STEAP4: variants seen among roughly 807,000 people sequenced by gnomAD.
STEAP4 encodes the protein metalloreductase STEAP4.
STEAP4 carries 36 observed loss-of-function variants against 43.6 expected under a neutral mutation model. That is an observed-to-expected ratio of 0.83 (90% confidence interval 0.63 to 1.09). STEAP4 has a LOEUF of 1.09. Ranked by LOEUF, STEAP4 falls within the 50% of genes least tolerant of loss-of-function variation. STEAP4 has a pLI of 0.00. For missense variants in STEAP4, 495 were observed against 546.5 expected, an observed-to-expected ratio of 0.91 and a Z score of 0.94; for synonymous variants, 191 against 196.7, an observed-to-expected ratio of 0.97 and a Z score of 0.24.
chr7:88,287,029 G>T (rs1852748867), intron 1 of STEAP4, among the ~76,000 whole-genome samples: 1 of 152,066 alleles, frequency 6.6e-6, no homozygotes, highest in Non-Finnish European at 1.5e-5. Flanking sequence ...AGACACCCTG[G>T]GAGGTTACTA....
In STEAP4 at chr7:88,282,134, AT is replaced by A. The variant is rs554428428; in HGVS notation, c.984+506del. The stretch of plus-strand genomic sequence containing the variant: ...GACCCAAGCGAACCTGGAAAGTATC[AT>A]TTTTTTTCTTTCTTTTTTTTTTTTT... On this transcript the variant is annotated intron_variant, in intron 3 of 4. Coordinates refer to ENST00000380079, the MANE Select transcript of STEAP4 (RefSeq NM_024636.4). 5.1e-4 allele frequency: 76 copies of A among 149,938 alleles called. No homozygotes were observed. The South Asian group carries it at 0.014, about 27-fold the overall frequency. 9.3% of individuals were successfully genotyped at this position (149,938 alleles called of 1,614,324 possible).
At chr7:88,303,332 C>T (rs1853072288) in intron 1 of STEAP4, among the ~76,000 whole-genome samples, 1 of 151,642 alleles carries the variant, frequency 6.6e-6, no homozygotes, top group Admixed American at 6.6e-5. Context: ...CCCTTCTCTA[C>T]TAAACATAAA....
chr7:88,304,025 G>A (rs193256038), intron 1 of STEAP4: 3 of 152,278 alleles, frequency 2.0e-5, no homozygotes, highest in Admixed American at 2.0e-4. Context: ...CTCTTTTCAT[G>A]TCCTTTGTAG....
At chr7:88,300,042 C>G (rs10271265) in intron 1 of STEAP4, among the ~76,000 whole-genome samples, 1,543 of 152,262 alleles carry the variant, frequency 0.01, 26 homozygotes, top group African/African-American at 0.036. Flanking sequence ...GAGCTGCTGG[C>G]TATAATCTGG....
At chr7:88,292,422 C>G (rs1852850141) in intron 1 of STEAP4, 2 of 152,082 alleles carry the variant, frequency 1.3e-5, no homozygotes, top group African/African-American at 4.8e-5. Context: ...AGTTCTTATA[C>G]TTAACAAGTC....
intron 1 of STEAP4, chr7:88,292,098 CGT>C (rs139104070): frequency 1.3e-4 from 20 of 151,582 alleles, no homozygotes; most frequent in Admixed American, 4.6e-4. Flanking sequence ...TGTGCGCGCG[CGT>C]GTGTGTGTGT....
intron 1 of STEAP4, among the ~76,000 whole-genome samples, chr7:88,296,610 A>C (rs935522251): frequency 3.9e-5 from 6 of 152,146 alleles, no homozygotes; most frequent in Non-Finnish European, 7.3e-5. Context: ...ACAAGGCAAA[A>C]GGGCAGGAGG....
intron 1 of STEAP4, among the ~76,000 whole-genome samples, chr7:88,287,923 C>T (rs1461014244): frequency 1.3e-5 from 2 of 152,144 alleles, no homozygotes; most frequent in African/African-American, 2.4e-5. Context: ...AGAGCCAAAC[C>T]ATAAACTAAA....
rs1209026048 is a variant in STEAP4 at position 88,271,234 on chromosome 7, G to T, written c.*8164C>A. ...TAAATTAAATTTATTTTAATAATTA[G>T]GTAACCTACTCATGTAATTTAAAAA... On this transcript the variant is annotated 3_prime_UTR_variant, in exon 5 of 5. Coordinates refer to ENST00000380079, the MANE Select transcript of STEAP4 (RefSeq NM_024636.4). 2 of 151,760 alleles carry T rather than the reference G, an allele frequency of 1.3e-5. No individual in the cohort carries two copies. The highest frequency in any genetic ancestry group is 2.9e-5 in the Non-Finnish European group (2 of 67,962). 9.4% of individuals were successfully genotyped at this position (151,760 alleles called of 1,614,324 possible).
intron 1 of STEAP4, 100 bp downstream of exon 1, chr7:88,306,692 C>A: frequency 6.5e-6 from 1 of 152,712 alleles, no homozygotes; most frequent in Non-Finnish European, 1.5e-5. Flanking sequence ...AGCACCTGTT[C>A]TTCAGTGCGA....
intron 1 of STEAP4, chr7:88,290,157 A>C (rs1210467738): frequency 6.6e-6 from 1 of 152,222 alleles, no homozygotes; most frequent in Non-Finnish European, 1.5e-5. Context: ...GGATTATCTT[A>C]ATCATTGCAA....
chr7:88,281,400 G>A, intron 3 of STEAP4: 1 of 190,260 alleles, frequency 5.3e-6, no homozygotes, highest in African/African-American at 2.3e-5. Context: ...AAAACTTGAT[G>A]TTCTCAAACA....
chr7:88,301,613 C>T (rs375098636), intron 1 of STEAP4, among the ~76,000 whole-genome samples: 27 of 151,034 alleles, frequency 1.8e-4, no homozygotes, highest in African/African-American at 6.1e-4. Flanking sequence ...AGCTGGAGTG[C>T]GGTGGTGCCA....
At position 88,274,471 on chromosome 7, in the gene STEAP4, C is replaced by G. The variant is rs148864576; in HGVS notation, c.*4927G>C. The G allele has an allele frequency of 9.7e-4, 147 of 152,226 alleles. No homozygotes were observed. The highest frequency in any genetic ancestry group is 3.5e-3 in the African/African-American group (144 of 41,518). 9.4% of individuals were successfully genotyped at this position (152,226 alleles called of 1,614,324 possible). On this transcript the variant is annotated 3_prime_UTR_variant, in exon 5 of 5. Transcript: ENST00000380079. ...TCACCTCCCTCATATGGGTCTTATCCGAAACTTTAGGACTTTGCCTCGAGC... is the reference window on the plus strand; with the variant it reads ...TCACCTCCCTCATATGGGTCTTATCGGAAACTTTAGGACTTTGCCTCGAGC...
Position 88,279,604 on chromosome 7 carries a change from T to A in STEAP4, c.1174A>T (p.Ile392Phe), listed in dbSNP as rs1220361073. 1 of 1,613,316 alleles carries A rather than the reference T, an allele frequency of 6.2e-7. No individual in the cohort carries two copies. Among genetic ancestry groups the A allele is most frequent in the Non-Finnish European group, 8.5e-7 (1 of 1,179,688 alleles). The part of the protein sequence containing the change: ...VQSKLGYLTL[I>F]LCTAHTLVYG... Reference sequence around the variant, plus strand: ...ACCAGGGTGTGGGCTGTACACAAGATCAGGGTCAAATAACCCAGTTTGGAC... The same window carrying A: ...ACCAGGGTGTGGGCTGTACACAAGAACAGGGTCAAATAACCCAGTTTGGAC... The change falls in exon 5 of 5, where the codon ATC (isoleucine) becomes TTC (phenylalanine). Residue 392 changes from isoleucine (I) to phenylalanine (F), a missense_variant. Ile to Phe is a conservative substitution (Grantham distance 21). Transcript: ENST00000380079.
At chr7:88,297,051 A>G (rs1215350803) in intron 1 of STEAP4, among the ~76,000 whole-genome samples, 1 of 152,188 alleles carries the variant, frequency 6.6e-6, no homozygotes, top group African/African-American at 2.4e-5. Flanking sequence ...TGCAAGGGCA[A>G]TTTCTTCCTG....
chr7:88,283,368 T>G, intron 2 of STEAP4, 200 bp from the exon 3 acceptor site: 1 of 562,996 alleles, frequency 1.8e-6, no homozygotes, highest in Non-Finnish European at 2.9e-6. Flanking sequence ...TACCAGGGTT[T>G]TTAGTTGATG....
At chr7:88,287,409 C>G (rs1852754737) in intron 1 of STEAP4, among the ~76,000 whole-genome samples, 1 of 152,176 alleles carries the variant, frequency 6.6e-6, no homozygotes, top group African/African-American at 2.4e-5. Flanking sequence ...TTCACCTTGC[C>G]TGCTGCCTAG....
In STEAP4 at chr7:88,283,897, C is replaced by G; in HGVS notation, c.373G>C (p.Val125Leu). The change falls in exon 2 of 5, where the codon GTG (valine) becomes CTG (leucine). Residue 125 changes from valine to leucine, a missense_variant. By Grantham distance (32) the Val-to-Leu change is conservative. Transcript: ENST00000380079. ...ESNAEYLAHL[V>L]PGAHVVKAFN... ...GCTTTTACCACGTGGGCTCCTGGCA[C>G]CAAATGAGCAAGGTACTCTGCATTA... 6.2e-7 allele frequency: 1 copy of G among 1,614,110 alleles called. No homozygotes were observed. The highest frequency in any genetic ancestry group is 8.5e-7 in the Non-Finnish European group (1 of 1,180,020).
Sources: gnomAD v4.1 joint callset for allele counts (sites outside exome capture counted in the v4.1 genomes callset) on GRCh38, gnomAD v4.1.1 for gene constraint, MANE v1.5 for transcripts, NCBI Gene and HGNC (gene_info 2026-07-23, HGNC 2026-07-21) for gene names.